MCTP2: variants seen among roughly 807,000 people sequenced by gnomAD.
The protein encoded by MCTP2 is multiple C2 and transmembrane domain containing 2, also known as multiple C2 and transmembrane domain-containing protein 2.
A neutral mutation model predicts 111.6 loss-of-function variants in MCTP2; 132 were observed. The observed-to-expected ratio is 1.18, with a 90% CI of 1.03 to 1.37. The LOEUF (loss-of-function observed/expected upper bound fraction) is 1.37. Ranked by LOEUF, MCTP2 falls within the 40% of genes most tolerant of loss-of-function variation. The probability of loss-of-function intolerance (pLI) is 0.00; values close to 1 mark genes in which losing one functional copy is unlikely to be tolerated. For missense variants in MCTP2, 1,183 were observed against 1,067.9 expected (o/e 1.11, Z -1.50); for synonymous variants, 395 against 387.7 (o/e 1.02, Z -0.22).
intron 21 of MCTP2, 74 bp from the exon 22 acceptor site, chr15:94,476,622 A>AGATC: frequency 1.3e-6 from 1 of 740,950 alleles, no homozygotes; most frequent in African/African-American, 1.9e-5. Flanking sequence ...ATAGATAGAT[A>AGATC]GATAGATAGA....
At chr15:94,454,852 G>A (rs867005416) in intron 19 of MCTP2, among the ~76,000 whole-genome samples, 20 of 152,124 alleles carry the variant, frequency 1.3e-4, no homozygotes, top group South Asian at 8.3e-4. Context: ...GTGGAGTCTC[G>A]CTCTGTGGCC....
At position 94,340,250 on chromosome 15, in the gene MCTP2, A is replaced by C. The variant is rs759678318; in HGVS notation, c.832A>C (p.Ile278Leu). ...TGATTTCATGGGTTCTGCATTTGTC[A>C]TTCTCAGTGATCTTGAGCTTAACAG... ...TSDFMGSAFV[I>L]LSDLELNRTT... The change falls in exon 6 of 23, where the codon ATT becomes CTT. Residue 278 changes from isoleucine (I) to leucine (L), a missense_variant. Coordinates refer to ENST00000357742, the MANE Select transcript of MCTP2 (RefSeq NM_001385001.1). 1 of 1,613,014 alleles carries C rather than the reference A, an allele frequency of 6.2e-7. No homozygotes were observed. Among genetic ancestry groups the C allele is most frequent in the African/African-American group, 1.3e-5 (1 of 75,014 alleles).
intron 20 of MCTP2, among the ~76,000 whole-genome samples, chr15:94,464,246 A>ATATATATATTATATATATATATATAT (rs1567764130): frequency 1.7e-5 from 1 of 60,396 alleles, no homozygotes; most frequent in African/African-American, 6.8e-5. Flanking sequence ...TATAATATAT[A>ATATATATATTATATATATATATATAT]TATATATATA....
chr15:94,243,272 C>A (rs145046749), intron 1 of MCTP2, among the ~76,000 whole-genome samples: 1 of 148,212 alleles, frequency 6.7e-6, no homozygotes, highest in Non-Finnish European at 1.5e-5. Context: ...CATACGTATG[C>A]GTACATACGT....
At chr15:94,302,282 G>A (rs924187015) in intron 2 of MCTP2, among the ~76,000 whole-genome samples, 1 of 152,212 alleles carries the variant, frequency 6.6e-6, no homozygotes. Flanking sequence ...TAGGCAGAGA[G>A]TAAGCCTGTG....
intron 10 of MCTP2, among the ~76,000 whole-genome samples, chr15:94,363,415 C>G (rs1043601439): frequency 6.6e-6 from 1 of 152,024 alleles, no homozygotes; most frequent in East Asian, 1.9e-4. Context: ...GAACAGCGGT[C>G]TAAGCTGAGA....
At chr15:94,411,386 A>C (rs1288048486) in intron 17 of MCTP2, among the ~76,000 whole-genome samples, 1 of 151,412 alleles carries the variant, frequency 6.6e-6, no homozygotes, top group African/African-American at 2.4e-5. Context: ...GCTCCCCATC[A>C]GGTGGCATGT....
chr15:94,381,155 C>T (rs1047050464), intron 12 of MCTP2, among the ~76,000 whole-genome samples: 4 of 152,150 alleles, frequency 2.6e-5, no homozygotes, highest in Non-Finnish European at 4.4e-5. Context: ...AGCATTTGGA[C>T]ATTTCATTTA....
At chr15:94,259,496 T>C (rs979509311) in intron 1 of MCTP2, among the ~76,000 whole-genome samples, 1 of 152,218 alleles carries the variant, frequency 6.6e-6, no homozygotes, top group African/African-American at 2.4e-5. Context: ...CAGGGTTTGG[T>C]AGCAAACTCT....
intron 2 of MCTP2, among the ~76,000 whole-genome samples, chr15:94,302,351 C>T (rs1028259087): frequency 6.6e-6 from 1 of 152,082 alleles, no homozygotes; most frequent in African/African-American, 2.4e-5. Flanking sequence ...ACCTCCAGGC[C>T]CACCAGCATC....
At chr15:94,353,158 C>T (rs1326091686) in intron 8 of MCTP2, among the ~76,000 whole-genome samples, 2 of 152,162 alleles carry the variant, frequency 1.3e-5, no homozygotes, top group Admixed American at 6.5e-5. Context: ...TCAAACATGA[C>T]TGCGTTAAAT....
At chr15:94,333,200 T>C (rs943301994) in intron 4 of MCTP2, among the ~76,000 whole-genome samples, 1 of 152,216 alleles carries the variant, frequency 6.6e-6, no homozygotes, top group Non-Finnish European at 1.5e-5. Context: ...ATCATGCCAC[T>C]GTACTCCAGC....
rs71135511 is a variant in MCTP2 at position 94,386,802 on chromosome 15, A to AAAAACAAAAC, written c.1788+1295_1788+1304dup. 8.6e-4 allele frequency among the ~76,000 whole-genome samples: 130 copies of AAAAACAAAAC among 151,088 alleles called. 1 individual carries two copies. The highest frequency in any genetic ancestry group is 1.7e-3 in the South Asian group (8 of 4,748). On this transcript the variant is annotated intron_variant, in intron 14 of 22. Coordinates refer to ENST00000357742, the MANE Select transcript of MCTP2 (RefSeq NM_001385001.1). ...ATTCCTTGCTTGGTGAACATGACTT[A>AAAAACAAAAC]AAAACAAAACAAAACAAAACAAAAC...
chr15:94,282,200 C>A (rs917092788), intron 1 of MCTP2, among the ~76,000 whole-genome samples: 1 of 152,080 alleles, frequency 6.6e-6, no homozygotes, highest in Non-Finnish European at 1.5e-5. Flanking sequence ...TAGGTGTAGT[C>A]TTCTACATAA....
intron 20 of MCTP2, among the ~76,000 whole-genome samples, chr15:94,459,223 C>G (rs1014221440): frequency 2.6e-5 from 4 of 152,034 alleles, no homozygotes; most frequent in East Asian, 1.9e-4. Context: ...GGGGATCATT[C>G]TAGTTTCTTT....
chr15:94,381,613 A>G (rs957708243), intron 12 of MCTP2, among the ~76,000 whole-genome samples: 2 of 152,210 alleles, frequency 1.3e-5, no homozygotes, highest in South Asian at 2.1e-4. Flanking sequence ...CCCTGGAGCA[A>G]CTGCTGATGG....
At chr15:94,303,788 G>A (rs1425513034) in intron 2 of MCTP2, among the ~76,000 whole-genome samples, 1 of 152,124 alleles carries the variant, frequency 6.6e-6, no homozygotes. Flanking sequence ...AAGGCCTAGT[G>A]GAAACCTTCC....
chr15:94,257,566 GTTGTTTTTTTTTT>G lies in MCTP2; in HGVS notation c.-66+25905_-66+25917del, dbSNP rs1333787803. ...AAAAATATTTGTTGTCATTTTCTTTGTTGTTTTTTTTTTTTTTTTTTTTTTTTTTTTTTTTTTT... is the reference window on the plus strand; with the variant it reads ...AAAAATATTTGTTGTCATTTTCTTTGTTTTTTTTTTTTTTTTTTTTTTTTT... On this transcript the variant is annotated intron_variant, in intron 1 of 22. Coordinates refer to ENST00000357742, the MANE Select transcript of MCTP2 (RefSeq NM_001385001.1). Among the ~76,000 whole-genome samples, 358 of 72,994 alleles carry G rather than the reference GTTGTTTTTTTTTT, an allele frequency of 4.9e-3. 33 individuals carry two copies. Among genetic ancestry groups the G allele is most frequent in the African/African-American group, 9.6e-3 (192 of 20,060 alleles). 47.9% of individuals were successfully genotyped at this position (72,994 alleles called of 152,430 possible).
At chr15:94,402,218 G>C (rs1206589412) in intron 17 of MCTP2, 199 bp downstream of exon 17, 52 of 887,500 alleles carry the variant, frequency 5.9e-5, no homozygotes, top group Non-Finnish European at 6.6e-5. Flanking sequence ...GAGCACTACT[G>C]TTGTATATAT....
Sources: allele counts gnomAD v4.1 joint callset (sites outside exome capture counted in the v4.1 genomes callset), GRCh38; gene constraint gnomAD v4.1.1; transcripts MANE v1.5; gene names NCBI Gene and HGNC (gene_info 2026-07-23, HGNC 2026-07-21).